ZDHHC20: variants seen among roughly 807,000 people sequenced by gnomAD.
ZDHHC20 encodes the protein palmitoyltransferase ZDHHC20.
In ZDHHC20, 43 loss-of-function variants were observed where a neutral mutation model predicts 57.8. The ratio of observed to expected loss-of-function variants is 0.74; its 90% CI spans 0.58 to 0.96. The LOEUF (loss-of-function observed/expected upper bound fraction) is 0.96. ZDHHC20 is among the 40% of genes least tolerant of loss of function. The pLI, the probability that ZDHHC20 is intolerant of heterozygous loss-of-function variation, is 0.00. For synonymous variants in ZDHHC20, 157 were observed against 153.0 expected, an observed-to-expected ratio of 1.03 and a Z score of -0.19; for missense variants, 391 against 441.1, an observed-to-expected ratio of 0.89 and a Z score of 1.02.
In ZDHHC20 at chr13:21,414,527, A is replaced by AT. The variant is rs747307477; in HGVS notation, c.250-756dup. 6.2e-3 allele frequency among the ~76,000 whole-genome samples: 669 copies of AT among 107,526 alleles called. 17 individuals are homozygous for AT. The highest frequency in any genetic ancestry group is 0.034 in the Admixed American group (322 of 9,466). The allele number at this position is 107,526 out of a possible 152,430, so 70.5% of individuals were successfully genotyped here. ...AGGCGCACGCCACTATGCCCGGATA[A>AT]TTTTTTTTTTTTTTTTTGTATTTTT... On this transcript the variant is annotated intron_variant, in intron 3 of 12. Coordinates refer to ENST00000400590, the MANE Select transcript of ZDHHC20 (RefSeq NM_001330059.2).
intron 1 of ZDHHC20, among the ~76,000 whole-genome samples, chr13:21,451,496 T>C (rs1566119501): frequency 6.6e-6 from 1 of 152,130 alleles, no homozygotes; most frequent in Non-Finnish European, 1.5e-5. Context: ...TGCATACTTT[T>C]AATTTATATT....
chr13:21,412,798 A>G (rs1460115666), intron 4 of ZDHHC20, among the ~76,000 whole-genome samples: 2 of 151,860 alleles, frequency 1.3e-5, no homozygotes, highest in African/African-American at 4.8e-5. Flanking sequence ...GTGAAACCCC[A>G]TCTCTACTAA....
At position 21,384,500 on chromosome 13, in the gene ZDHHC20, A is replaced by C. The variant is rs1874091836; in HGVS notation, c.855-1491T>G. On this transcript the variant is annotated intron_variant, in intron 9 of 12. Transcript: ENST00000400590. ...AAAAAAGAGGGGCTGAGGTGACTTA[A>C]ATCTATGGGACAGAGTTGAGAGAGA... 1.3e-5 allele frequency among the ~76,000 whole-genome samples: 2 copies of C among 151,530 alleles called. 1 individual carries two copies. Among genetic ancestry groups the C allele is most frequent in the Non-Finnish European group, 2.9e-5 (2 of 67,892 alleles).
chr13:21,439,364 G>C (rs138450845), intron 1 of ZDHHC20, among the ~76,000 whole-genome samples: 1 of 152,208 alleles, frequency 6.6e-6, no homozygotes, highest in South Asian at 2.1e-4. Context: ...GCCAGGCATG[G>C]TGGCATATGC....
At chr13:21,403,189 G>A (rs1877951655) in intron 4 of ZDHHC20, among the ~76,000 whole-genome samples, 1 of 151,822 alleles carries the variant, frequency 6.6e-6, no homozygotes, top group African/African-American at 2.4e-5. Flanking sequence ...TAAGTCCCAG[G>A]TCCAGTGTTT....
At chr13:21,397,927 T>A (rs1457153877) in intron 7 of ZDHHC20, among the ~76,000 whole-genome samples, 1 of 152,134 alleles carries the variant, frequency 6.6e-6, no homozygotes, top group Non-Finnish European at 1.5e-5. Flanking sequence ...ATGTCTGTGA[T>A]ATTAGGAATA....
intron 7 of ZDHHC20, among the ~76,000 whole-genome samples, chr13:21,392,526 C>G (rs2137734146): frequency 6.6e-6 from 1 of 152,260 alleles, no homozygotes; most frequent in East Asian, 1.9e-4. Flanking sequence ...GCATAGTTAG[C>G]AATTTTGATA....
Position 21,374,166 on chromosome 13 carries a change from AT to A in ZDHHC20, c.*2529del. ...TGAAAGTAGTCAAGTATGTTTTAACATTTATCTCCTTATAATATGCAAACTG... is the reference window on the plus strand; with the variant it reads ...TGAAAGTAGTCAAGTATGTTTTAACATTATCTCCTTATAATATGCAAACTG... On this transcript the variant is annotated 3_prime_UTR_variant, in exon 13 of 13. Coordinates refer to ENST00000400590, the MANE Select transcript of ZDHHC20 (RefSeq NM_001330059.2). 1 of 173,442 alleles carries A rather than the reference AT, an allele frequency of 5.8e-6. No homozygotes were observed. The highest frequency in any genetic ancestry group is 1.4e-4 in the East Asian group (1 of 7,134). 10.7% of individuals were successfully genotyped at this position (173,442 alleles called of 1,614,324 possible). A position where few individuals can be genotyped will look rare whatever the true frequency, so the allele number is the denominator to read the frequency against.
intron 5 of ZDHHC20, among the ~76,000 whole-genome samples, chr13:21,402,088 T>A (rs955381954): frequency 5.9e-5 from 9 of 151,976 alleles, no homozygotes; most frequent in African/African-American, 2.2e-4. Flanking sequence ...AAAATTCAGA[T>A]CTGGTACACA....
intron 7 of ZDHHC20, among the ~76,000 whole-genome samples, chr13:21,397,223 C>T (rs1044170469): frequency 3.3e-5 from 5 of 151,818 alleles, no homozygotes; most frequent in Non-Finnish European, 5.9e-5. Flanking sequence ...GGTAAAACCC[C>T]GTCTCTGCTA....
chr13:21,456,095 A>G (rs1884901996), intron 1 of ZDHHC20, among the ~76,000 whole-genome samples: 1 of 152,204 alleles, frequency 6.6e-6, no homozygotes, highest in African/African-American at 2.4e-5. Flanking sequence ...AGTTTGATAA[A>G]GAATACCAGA....
chr13:21,441,899 T>C (rs1267876237), intron 1 of ZDHHC20, among the ~76,000 whole-genome samples: 1 of 152,206 alleles, frequency 6.6e-6, no homozygotes, highest in Non-Finnish European at 1.5e-5. Context: ...CTCATGCTCC[T>C]GATTATCTTC....
chr13:21,405,056 C>A (rs1249687404), intron 4 of ZDHHC20, among the ~76,000 whole-genome samples: 2 of 152,056 alleles, frequency 1.3e-5, no homozygotes, highest in South Asian at 4.1e-4. Flanking sequence ...CTAGGATACA[C>A]AAGAAAAGGT....
intron 2 of ZDHHC20, among the ~76,000 whole-genome samples, chr13:21,424,525 C>G (rs1340928517): frequency 6.6e-6 from 1 of 152,152 alleles, no homozygotes; most frequent in East Asian, 1.9e-4. Flanking sequence ...CTGACTAACA[C>G]AGTAAAACCC....
At chr13:21,425,762 A>G (rs1217420618) in intron 1 of ZDHHC20, 84 bp from the exon 2 acceptor site, 2 of 854,478 alleles carry the variant, frequency 2.3e-6, no homozygotes, top group African/African-American at 1.8e-5. Flanking sequence ...ATTCATCTTA[A>G]TATCATTTTC....
intron 9 of ZDHHC20, among the ~76,000 whole-genome samples, chr13:21,386,344 C>G (rs560558547): frequency 6.6e-6 from 1 of 152,112 alleles, no homozygotes; most frequent in South Asian, 2.1e-4. Context: ...AGCTCTAAAA[C>G]CAGAGATCCA....
intron 4 of ZDHHC20, 29 bp downstream of exon 4, chr13:21,413,623 T>C: frequency 1.3e-6 from 2 of 1,566,838 alleles, no homozygotes; most frequent in African/African-American, 1.4e-5. Context: ...AAAAATCATT[T>C]GAAAAGGAAA....
At chr13:21,409,163 G>A (rs1022737935) in intron 4 of ZDHHC20, among the ~76,000 whole-genome samples, 3 of 152,132 alleles carry the variant, frequency 2.0e-5, no homozygotes, top group South Asian at 4.1e-4. Flanking sequence ...CTATTGTTTA[G>A]AATAGTTTTA....
At chr13:21,430,747 A>G (rs1290831554) in intron 1 of ZDHHC20, among the ~76,000 whole-genome samples, 2 of 152,110 alleles carry the variant, frequency 1.3e-5, no homozygotes, top group East Asian at 3.9e-4. Context: ...CCAGGTTGAC[A>G]GCTTCTCTAG....
Sources: allele counts gnomAD v4.1 joint callset (sites outside exome capture counted in the v4.1 genomes callset), GRCh38; gene constraint gnomAD v4.1.1; transcripts MANE v1.5; gene names NCBI Gene and HGNC (gene_info 2026-07-23, HGNC 2026-07-21).